Variants in SIMC1 observed in about 807,000 individuals in gnomAD.
SIMC1 encodes SUMO-interacting motif-containing protein 1.
In SIMC1, 55 loss-of-function variants were observed where a neutral mutation model predicts 82.3. The observed-to-expected ratio is 0.67, with a 90% confidence interval of 0.54 to 0.84. The LOEUF (loss-of-function observed/expected upper bound fraction) is 0.84, where lower values mean the gene tolerates loss of function less well. Ranked by LOEUF, SIMC1 falls within the 40% of genes least tolerant of loss-of-function variation. SIMC1 has a pLI of 0.00. For missense variants in SIMC1, 915 were observed against 1,107.2 expected (o/e 0.83, Z 2.46); for synonymous variants, 353 against 426.3 (o/e 0.83, Z 2.12).
chr5:176,317,739 G>T (rs1764979894), intron 5 of SIMC1, among the ~76,000 whole-genome samples: 1 of 151,962 alleles, frequency 6.6e-6, no homozygotes, highest in African/African-American at 2.4e-5. Context: ...TTTCCCTAAG[G>T]TTAATAATTA....
At chr5:176,259,937 G>A (rs1761960615) in intron 1 of SIMC1, among the ~76,000 whole-genome samples, 2 of 150,610 alleles carry the variant, frequency 1.3e-5, no homozygotes, top group South Asian at 4.2e-4. Flanking sequence ...TTTCCCAATG[G>A]GATCATGCTA....
At chr5:176,312,322 G>A (rs1474730062) in intron 4 of SIMC1, among the ~76,000 whole-genome samples, 1 of 152,060 alleles carries the variant, frequency 6.6e-6, no homozygotes, top group Non-Finnish European at 1.5e-5. Flanking sequence ...GATCACCTGA[G>A]GTCAGGTGTT....
chr5:176,294,374 G>C (rs1763710652), intron 2 of SIMC1, among the ~76,000 whole-genome samples: 1 of 152,048 alleles, frequency 6.6e-6, no homozygotes, highest in Admixed American at 6.5e-5. Flanking sequence ...CCACCTTCCG[G>C]GTTTAAGCAA....
chr5:176,333,417 G>GT (rs1427888161), intron 7 of SIMC1, among the ~76,000 whole-genome samples: 2 of 152,038 alleles, frequency 1.3e-5, no homozygotes, highest in East Asian at 3.9e-4. Flanking sequence ...AGGTTGTGGG[G>GT]TTTTTTTGGT....
chr5:176,279,092 G>A (rs1479142645), intron 1 of SIMC1, among the ~76,000 whole-genome samples: 1 of 150,904 alleles, frequency 6.6e-6, no homozygotes, highest in Admixed American at 6.6e-5. Context: ...GACTCTTTTT[G>A]GTTAGTAAGC....
At chr5:176,309,244 A>G (rs1581291820) in intron 4 of SIMC1, among the ~76,000 whole-genome samples, 1 of 152,238 alleles carries the variant, frequency 6.6e-6, no homozygotes, top group East Asian at 1.9e-4. Context: ...ACTGATTTTG[A>G]AAAAGTGCAA....
rs757304071 is a variant in SIMC1, at chr5:176,290,539, C to G, written c.1015C>G (p.Pro339Ala). 2.5e-6 allele frequency: 4 copies of G among 1,613,876 alleles called. No individual in the cohort carries two copies. The highest frequency in any genetic ancestry group is 1.1e-5 in the South Asian group (1 of 91,076). ...PQSPGGMPHL[P>A]GDVLHSPGDM... ...GTCACCAGGGGGCATGCCACACTTA[C>G]CGGGAGATGTGTTACATTCACCTGG... The change falls in exon 2 of 10, where the codon CCG (proline) becomes GCG (alanine). Residue 339 changes from proline (P) to alanine (A), a missense_variant. Around this residue, in one of 2 missense-constraint regions of SIMC1, gnomAD observed 902 missense variants for 1,040.3 expected, o/e 0.87. Transcript: ENST00000429602.
intron 9 of SIMC1, among the ~76,000 whole-genome samples, chr5:176,342,838 T>C (rs1350421760): frequency 6.6e-6 from 1 of 152,226 alleles, no homozygotes; most frequent in African/African-American, 2.4e-5. Context: ...CAAACTATAA[T>C]CAATATTGTT....
At chr5:176,297,502 C>CAAAAAAA (rs896827211) in intron 4 of SIMC1, among the ~76,000 whole-genome samples, 1 of 35,930 alleles carries the variant, frequency 2.8e-5, no homozygotes, top group Non-Finnish European at 5.6e-5. Context: ...AACTCTGTCT[C>CAAAAAAA]AAAAAAAAAA....
chr5:176,258,492 A>G (rs2113139437), intron 1 of SIMC1, among the ~76,000 whole-genome samples: 1 of 150,702 alleles, frequency 6.6e-6, no homozygotes, highest in Non-Finnish European at 1.5e-5. Context: ...GTTAAGTGGA[A>G]AAAAGCAAGT....
intron 1 of SIMC1, among the ~76,000 whole-genome samples, chr5:176,273,652 C>G (rs1245439337): frequency 6.6e-6 from 1 of 151,062 alleles, no homozygotes; most frequent in African/African-American, 2.5e-5. Flanking sequence ...TATCCCTCCC[C>G]CCTCACCTCA....
intron 1 of SIMC1, among the ~76,000 whole-genome samples, chr5:176,279,052 A>G (rs1222933549): frequency 2.6e-5 from 4 of 152,220 alleles, no homozygotes; most frequent in African/African-American, 9.7e-5. Context: ...TACCTCTGGT[A>G]GAATTCGGCT....
At chr5:176,255,226 A>T (rs1761810463) in intron 1 of SIMC1, among the ~76,000 whole-genome samples, 1 of 151,994 alleles carries the variant, frequency 6.6e-6, no homozygotes, top group Admixed American at 6.6e-5. Context: ...CCTGAGCAAC[A>T]GAGCAAGACT....
At position 176,314,400 on chromosome 5, in the gene SIMC1, C is replaced by T. The variant is rs551451012; in HGVS notation, c.1889+555C>T. 1.6e-3 allele frequency among the ~76,000 whole-genome samples: 246 copies of T among 152,320 alleles called. 1 individual carries two copies. Among genetic ancestry groups the T allele is most frequent in the Non-Finnish European group, 2.7e-3 (184 of 68,028 alleles). On this transcript the variant is annotated intron_variant, in intron 5 of 9. Transcript: ENST00000429602. ...GTTTTCTGTCAAGACCAACAGACTTCCTTTGGTCTATTTCAATATTGTCCA... is the reference window on the plus strand; with the variant it reads ...GTTTTCTGTCAAGACCAACAGACTTTCTTTGGTCTATTTCAATATTGTCCA...
intron 7 of SIMC1, among the ~76,000 whole-genome samples, chr5:176,333,279 G>C (rs577836158): frequency 6.6e-6 from 1 of 151,890 alleles, no homozygotes; most frequent in Non-Finnish European, 1.5e-5. Context: ...ACTCCAGCCT[G>C]GGCGACAGAG....
chr5:176,317,684 A>C (rs1434843698), intron 5 of SIMC1, among the ~76,000 whole-genome samples: 1 of 152,150 alleles, frequency 6.6e-6, no homozygotes, highest in Non-Finnish European at 1.5e-5. Flanking sequence ...AATTTTACTA[A>C]GTACTAAACC....
At chr5:176,304,156 T>C (rs1271589578) in intron 4 of SIMC1, among the ~76,000 whole-genome samples, 1 of 150,886 alleles carries the variant, frequency 6.6e-6, no homozygotes, top group Non-Finnish European at 1.5e-5. Context: ...TGGGAGAAAA[T>C]AGTTATAAAT....
intron 1 of SIMC1, among the ~76,000 whole-genome samples, chr5:176,258,155 C>T (rs2560143): frequency 2.6e-5 from 4 of 152,106 alleles, no homozygotes; most frequent in Admixed American, 6.5e-5. Context: ...GCTAGTGTTT[C>T]GATTTTGAAT....
intron 1 of SIMC1, among the ~76,000 whole-genome samples, chr5:176,286,462 C>T (rs1415718863): frequency 6.6e-5 from 10 of 152,192 alleles, no homozygotes; most frequent in Non-Finnish European, 1.3e-4. Context: ...GGATCCCTTC[C>T]TTATACCTTA....
Sources: allele counts gnomAD v4.1 joint callset (sites outside exome capture counted in the v4.1 genomes callset), GRCh38; gene constraint gnomAD v4.1.1; regional missense constraint gnomAD v4.1.1; transcripts MANE v1.5; gene names NCBI Gene and HGNC (gene_info 2026-07-23, HGNC 2026-07-21).